Variants in TRPV3 observed in about 807,000 individuals in gnomAD.
TRPV3 encodes the protein VRL-3.
Under a neutral mutation model 87.1 loss-of-function variants are expected in TRPV3, and 88 were observed. The ratio of observed to expected loss-of-function variants is 1.01; its 90% CI spans 0.85 to 1.21. TRPV3 has a LOEUF of 1.21. Ranked by LOEUF, TRPV3 falls within the 50% of genes most tolerant of loss-of-function variation. The probability of loss-of-function intolerance (pLI) is 0.00; values close to 1 mark genes in which losing one functional copy is unlikely to be tolerated. For missense variants in TRPV3, 1,054 were observed against 1,030.1 expected (o/e 1.02, Z -0.32); for synonymous variants, 438 against 423.3 (o/e 1.03, Z -0.43).
At position 3,556,446 on chromosome 17, in the gene TRPV3, CA is replaced by C. The variant is rs1303147327; in HGVS notation, c.-3+1229del. Among the ~76,000 whole-genome samples, 4 of 151,700 alleles carry C rather than the reference CA, an allele frequency of 2.6e-5. No homozygotes were observed. The highest frequency in any genetic ancestry group is 9.7e-5 in the African/African-American group (4 of 41,250). On this transcript the variant is annotated intron_variant, in intron 1 of 17. Coordinates refer to ENST00000576742, the MANE Select transcript of TRPV3 (RefSeq NM_145068.4). This position sits in a 1 kb window ranked among gnomAD's most constrained non-coding sequence, Gnocchi z 4.2. ...TGTGGACAGGTGGTGACTGTGTGGTCAGGGGGTGCCACTCTCAGCTTGAATC... is the reference window on the plus strand; with the variant it reads ...TGTGGACAGGTGGTGACTGTGTGGTCGGGGGTGCCACTCTCAGCTTGAATC...
intron 7 of TRPV3, among the ~76,000 whole-genome samples, chr17:3,535,251 T>TCCC (rs2074393445): frequency 1.9e-5 from 1 of 53,892 alleles, no homozygotes; most frequent in African/African-American, 7.2e-5. Context: ...TCCCCCTCCT[T>TCCC]ACTCCTCCTC....
At chr17:3,541,426 C>T (rs902215538) in intron 6 of TRPV3, among the ~76,000 whole-genome samples, 13 of 152,160 alleles carry the variant, frequency 8.5e-5, no homozygotes, top group African/African-American at 3.1e-4. Context: ...AGCAAGACGG[C>T]ATCCAATTAT....
At chr17:3,547,656 A>C (rs1456323648) in intron 2 of TRPV3, among the ~76,000 whole-genome samples, 1 of 150,168 alleles carries the variant, frequency 6.7e-6, no homozygotes, top group Non-Finnish European at 1.5e-5. Flanking sequence ...GGAGGACTTG[A>C]GGGGTCAGAG....
In TRPV3 at chr17:3,530,339, G is replaced by A. The variant is rs1444824404; in HGVS notation, c.1066-136C>T. 11 of 812,818 alleles carry A rather than the reference G, an allele frequency of 1.4e-5. No individual in the cohort carries two copies. The highest frequency in any genetic ancestry group is 2.8e-5 in the East Asian group (1 of 36,152). 50.4% of individuals were successfully genotyped at this position (812,818 alleles called of 1,614,324 possible). On this transcript the variant is annotated intron_variant, in intron 8 of 17. Transcript: ENST00000576742. This position sits in a 1 kb window ranked among gnomAD's most constrained non-coding sequence, Gnocchi z 4.0. ...GTGGAGACCTGCCTCTGCGCCTGGC[G>A]CCATGGCCCCTGGGCCCCGTCTTTA...
chr17:3,529,264 C>T (rs530014113), intron 9 of TRPV3, among the ~76,000 whole-genome samples: 1 of 152,090 alleles, frequency 6.6e-6, no homozygotes, highest in Admixed American at 6.5e-5. Flanking sequence ...TAGAAGCGGG[C>T]AGGAGGTGGT....
intron 8 of TRPV3, among the ~76,000 whole-genome samples, chr17:3,531,591 G>C (rs570919358): frequency 2.0e-5 from 3 of 152,278 alleles, no homozygotes; most frequent in African/African-American, 7.2e-5. Flanking sequence ...CTGGGACCAT[G>C]CTCCATGCAG....
chr17:3,547,997 G>A (rs775310848), intron 2 of TRPV3, among the ~76,000 whole-genome samples: 35 of 152,320 alleles, frequency 2.3e-4, no homozygotes, highest in Admixed American at 5.9e-4. Context: ...GGACTGTGAG[G>A]ATCAGGCTGA....
chr17:3,537,360 G>GTAAA (rs34279033), intron 6 of TRPV3, among the ~76,000 whole-genome samples: 122,281 of 151,896 alleles, frequency 0.81, 55,087 homozygotes, highest in South Asian at 0.99. Flanking sequence ...TGTTAGATAA[G>GTAAA]TAAATAAAAC....
intron 6 of TRPV3, among the ~76,000 whole-genome samples, chr17:3,537,045 A>G (rs1421934991): frequency 6.6e-6 from 1 of 152,238 alleles, no homozygotes; most frequent in Non-Finnish European, 1.5e-5. Context: ...AGCAGGATCC[A>G]AAAGGCAGAA....
intron 7 of TRPV3, among the ~76,000 whole-genome samples, chr17:3,534,184 G>A (rs1294952318): frequency 1.3e-5 from 2 of 152,040 alleles, no homozygotes; most frequent in East Asian, 1.9e-4. Context: ...ACAAGACCCC[G>A]TTTTCCAGGA....
intron 15 of TRPV3, 108 bp from the exon 16 acceptor site, chr17:3,516,677 A>C (rs977526304): frequency 1.3e-6 from 1 of 781,856 alleles, no homozygotes; most frequent in Non-Finnish European, 2.2e-6. Context: ...TGCTTAATGC[A>C]TAGATCGCAA....
chr17:3,524,610 A>G (rs557214739), intron 12 of TRPV3, among the ~76,000 whole-genome samples: 9 of 152,258 alleles, frequency 5.9e-5, no homozygotes, highest in Non-Finnish European at 8.8e-5. Flanking sequence ...TTAAAAAAAG[A>G]AAAAACACAC....
In TRPV3 at chr17:3,543,512, T is replaced by G. The variant is rs1453971945; in HGVS notation, c.428A>C (p.Gln143Pro). 4 of 1,613,742 alleles carry G rather than the reference T, an allele frequency of 2.5e-6. No homozygotes were observed. Among genetic ancestry groups the G allele is most frequent in the Non-Finnish European group, 2.5e-6 (3 of 1,180,024 alleles). The change falls in exon 5 of 18, where the codon CAG (glutamine) becomes CCG (proline). Residue 143 changes from glutamine (Q) to proline (P), a missense_variant. By Grantham distance (76) the Gln-to-Pro change is moderately conservative. Coordinates refer to ENST00000576742, the MANE Select transcript of TRPV3 (RefSeq NM_145068.4). ...EELVELLVEL[Q>P]ELCRRRHDED... ...ATCATGGCGCCGCCTGCAAAGCTCCTGCAGCTCCACCAGCAACTCTACCAA... is the reference window on the plus strand; with the variant it reads ...ATCATGGCGCCGCCTGCAAAGCTCCGGCAGCTCCACCAGCAACTCTACCAA...
At chr17:3,524,817 A>C (rs2074280882) in intron 12 of TRPV3, among the ~76,000 whole-genome samples, 1 of 151,858 alleles carries the variant, frequency 6.6e-6, no homozygotes. Flanking sequence ...ACAAAAAAAA[A>C]AAAAAAAAGA....
rs2074641322 is a variant in TRPV3 at position 3,557,247 on chromosome 17, C to T, written c.-3+429G>A. On this transcript the variant is annotated intron_variant, in intron 1 of 17. Coordinates refer to ENST00000576742, the MANE Select transcript of TRPV3 (RefSeq NM_145068.4). This position sits in a 1 kb window ranked among gnomAD's most constrained non-coding sequence, Gnocchi z 4.5. ...CGCGGAGCCACAGCTGCTGACTCAG[C>T]ACCTGTGAGATGCCTGGGCCCCGTC... 6.6e-6 allele frequency among the ~76,000 whole-genome samples: 1 copy of T among 152,146 alleles called. No homozygotes were observed. The highest frequency in any genetic ancestry group is 6.5e-5 in the Admixed American group (1 of 15,272).
In TRPV3 at chr17:3,518,518, C is replaced by T; in HGVS notation, c.2085+58G>A. 2.7e-6 allele frequency: 4 copies of T among 1,500,508 alleles called. No individual in the cohort carries two copies. The highest frequency in any genetic ancestry group is 3.6e-6 in the Non-Finnish European group (4 of 1,122,152). 92.9% of individuals were successfully genotyped at this position (1,500,508 alleles called of 1,614,324 possible). A position where few individuals can be genotyped will look rare whatever the true frequency, so the allele number is the denominator to read the frequency against. On this transcript the variant is annotated intron_variant, in intron 15 of 17. Coordinates refer to ENST00000576742, the MANE Select transcript of TRPV3 (RefSeq NM_145068.4). This position sits in a 1 kb window ranked among gnomAD's most constrained non-coding sequence, Gnocchi z 4.3. ...ACTGGTGCTGACAGTAGTCAATGACCACGTGCTGAACTGAGTCCCGTGGAG... is the reference window on the plus strand; with the variant it reads ...ACTGGTGCTGACAGTAGTCAATGACTACGTGCTGAACTGAGTCCCGTGGAG...
intron 6 of TRPV3, among the ~76,000 whole-genome samples, chr17:3,538,896 T>A (rs1428590674): frequency 6.6e-6 from 1 of 152,208 alleles, no homozygotes; most frequent in Non-Finnish European, 1.5e-5. Context: ...CTATTATAAC[T>A]TTAAATATGC....
chr17:3,544,468 A>G, intron 4 of TRPV3, 111 bp downstream of exon 4: 2 of 663,774 alleles, frequency 3.0e-6, no homozygotes, highest in Non-Finnish European at 5.0e-6. Context: ...ACTTGTCCCA[A>G]TCCCCAGGAA....
chr17:3,526,272 G>A (rs2074298873), intron 12 of TRPV3, among the ~76,000 whole-genome samples: 1 of 152,128 alleles, frequency 6.6e-6, no homozygotes, highest in Non-Finnish European at 1.5e-5. Context: ...GAGGTCAGGA[G>A]TTCAAGACCA....
Sources: allele counts gnomAD v4.1 joint callset (sites outside exome capture counted in the v4.1 genomes callset), GRCh38; gene constraint gnomAD v4.1.1; non-coding constraint Gnocchi (gnomAD v3.1); transcripts MANE v1.5; gene names NCBI Gene and HGNC (gene_info 2026-07-23, HGNC 2026-07-21).